Variants in ANXA4 observed in about 807,000 individuals in gnomAD.
The protein encoded by ANXA4 is 35-beta calcimedin.
In ANXA4, 39 loss-of-function variants were observed where a neutral mutation model predicts 49.8. The observed-to-expected ratio is 0.78, with a 90% CI of 0.61 to 1.02. The LOEUF (loss-of-function observed/expected upper bound fraction) is 1.02, where lower values mean the gene tolerates loss of function less well. Among genes scored for constraint, ANXA4 ranks in the 50% least tolerant of loss-of-function variants. The pLI, the probability that ANXA4 is intolerant of heterozygous loss-of-function variation, is 0.00. For synonymous variants in ANXA4, 134 were observed against 152.5 expected (o/e 0.88, Z 0.89); for missense variants, 360 against 410.1 (o/e 0.88, Z 1.05).
intron 1 of ANXA4, among the ~76,000 whole-genome samples, chr2:69,756,328 G>A (rs933930425): frequency 2.6e-5 from 4 of 152,188 alleles, no homozygotes; most frequent in African/African-American, 9.7e-5. Flanking sequence ...TAGTAGCAGG[G>A]GAAGATGAGT....
At chr2:69,792,308 C>T (rs1166724920) in intron 3 of ANXA4, among the ~76,000 whole-genome samples, 2 of 152,028 alleles carry the variant, frequency 1.3e-5, no homozygotes, top group Non-Finnish European at 2.9e-5. Context: ...ATGAAAATCC[C>T]GTGTTAAGAG....
In ANXA4 at chr2:69,669,232, A is replaced by G. The variant is rs561776568; in HGVS notation, n.766+15950A>G. Among the ~76,000 whole-genome samples, 19 of 151,690 alleles carry G rather than the reference A, an allele frequency of 1.3e-4. No homozygotes were observed. The East Asian group carries it at 2.0e-3, about 16-fold the overall frequency. On this transcript the variant is annotated intron_variant and non_coding_transcript_variant, in intron 2 of 3. Transcript: ENST00000418066. Reference sequence around the variant, plus strand: ...AGCACTGGGATTACAGGCCTAAGCCACTGCGCCTGGCCTTCTTTGAGCCCA... The same window carrying G: ...AGCACTGGGATTACAGGCCTAAGCCGCTGCGCCTGGCCTTCTTTGAGCCCA...
intron 1 of ANXA4, among the ~76,000 whole-genome samples, chr2:69,761,586 A>G (rs1268267313): frequency 6.6e-6 from 1 of 151,990 alleles, no homozygotes; most frequent in Non-Finnish European, 1.5e-5. Context: ...TGCTTCTGCT[A>G]CTCCACTCAA....
intron 3 of ANXA4, among the ~76,000 whole-genome samples, chr2:69,797,612 G>A (rs1056995593): frequency 6.6e-6 from 1 of 152,132 alleles, no homozygotes; most frequent in South Asian, 2.1e-4. Flanking sequence ...TGGTGGTTCC[G>A]GTTAACTTCC....
upstream of ANXA4, among the ~76,000 whole-genome samples, chr2:69,739,406 TG>T (rs1196219140): frequency 6.6e-6 from 1 of 151,348 alleles, no homozygotes; most frequent in Non-Finnish European, 1.5e-5. Flanking sequence ...TTTAAAAAAG[TG>T]GTTTTTTTAG....
intron 2 of ANXA4, among the ~76,000 whole-genome samples, chr2:69,697,419 C>T (rs370213133): frequency 2.0e-5 from 3 of 152,210 alleles, no homozygotes; most frequent in African/African-American, 7.2e-5. Flanking sequence ...CTGGTTTGAT[C>T]TTCTATCCAG....
intron 2 of ANXA4, among the ~76,000 whole-genome samples, chr2:69,669,098 G>A (rs546116234): frequency 1.7e-3 from 256 of 151,472 alleles, no homozygotes; most frequent in African/African-American, 6.1e-3. Context: ...CACCACGCCG[G>A]CTAATCTGGC....
chr2:69,714,605 G>C (rs1398352365), intron 2 of ANXA4, among the ~76,000 whole-genome samples: 1 of 152,158 alleles, frequency 6.6e-6, no homozygotes, highest in Non-Finnish European at 1.5e-5. Context: ...CTCCTGTGTT[G>C]TCCCCACAGC....
At chr2:69,673,381 T>C (rs1287650049) in intron 2 of ANXA4, among the ~76,000 whole-genome samples, 2 of 152,030 alleles carry the variant, frequency 1.3e-5, no homozygotes, top group Non-Finnish European at 2.9e-5. Flanking sequence ...TGGACCATCA[T>C]TCTCAGCAAA....
chr2:69,824,670 C>T (rs1489867518), intron 12 of ANXA4, among the ~76,000 whole-genome samples: 1 of 151,960 alleles, frequency 6.6e-6, no homozygotes, highest in Non-Finnish European at 1.5e-5. Context: ...ACGTAAATAT[C>T]CAACAATAGG....
chr2:69,806,446 T>C lies in ANXA4; in HGVS notation c.254T>C (p.Met85Thr), dbSNP rs1364757128. 1 of 1,614,144 alleles carries C rather than the reference T, an allele frequency of 6.2e-7. No individual in the cohort carries two copies. Among genetic ancestry groups the C allele is most frequent in the Non-Finnish European group, 8.5e-7 (1 of 1,180,014 alleles). Residue 85 changes from methionine to threonine, a missense_variant, in exon 5 of 13, where the codon ATG (methionine) becomes ACG (threonine). By Grantham distance (81) the Met-to-Thr change is moderately conservative (BLOSUM62 -1). Transcript: ENST00000394295. Reference protein sequence around the residue: ...SGNFEQVIVGMMTPTVLYDVQ... With the variant: ...SGNFEQVIVGTMTPTVLYDVQ... The stretch of plus-strand genomic sequence containing the variant: ...AACTTCGAGCAGGTGATTGTGGGGA[T>C]GATGACGCCCACGGTGCTGTATGAC...
intron 1 of ANXA4, among the ~76,000 whole-genome samples, chr2:69,765,975 C>T (rs1285876197): frequency 6.6e-6 from 1 of 152,200 alleles, no homozygotes; most frequent in East Asian, 1.9e-4. Context: ...CCGCTATGTG[C>T]AAGGCACTGC....
At chr2:69,820,572 C>A (rs1342641485) in intron 11 of ANXA4, 127 bp from the exon 12 acceptor site, 3 of 1,087,782 alleles carry the variant, frequency 2.8e-6, no homozygotes, top group African/African-American at 1.6e-5. Context: ...ATTCCTCAGG[C>A]CTGCCAAGTA....
chr2:69,789,711 A>C (rs1672593062), intron 3 of ANXA4, among the ~76,000 whole-genome samples: 1 of 152,182 alleles, frequency 6.6e-6, no homozygotes. Context: ...CCTAGGGTCC[A>C]GTGGTTTGGT....
intron 2 of ANXA4, among the ~76,000 whole-genome samples, chr2:69,654,711 A>C (rs1484801295): frequency 6.6e-6 from 1 of 152,170 alleles, no homozygotes; most frequent in African/African-American, 2.4e-5. Context: ...GGAATTTTGG[A>C]TAGCCAAGAC....
intron 7 of ANXA4, among the ~76,000 whole-genome samples, chr2:69,811,884 C>T (rs1351891105): frequency 6.6e-6 from 1 of 152,106 alleles, no homozygotes; most frequent in Non-Finnish European, 1.5e-5. Flanking sequence ...CCATATTTAC[C>T]ACTCTGATGA....
intron 2 of ANXA4, among the ~76,000 whole-genome samples, chr2:69,659,712 G>T (rs1425925817): frequency 6.6e-6 from 1 of 152,194 alleles, no homozygotes; most frequent in African/African-American, 2.4e-5. Context: ...CTTGAGGCCA[G>T]GAGCTTGAGA....
chr2:69,675,131 C>T (rs141652512), intron 2 of ANXA4, among the ~76,000 whole-genome samples: 222 of 152,176 alleles, frequency 1.5e-3, no homozygotes, highest in Middle Eastern at 6.8e-3. Context: ...ACTGTGTTAG[C>T]CAGGATGGTC....
chr2:69,821,773 C>T lies in ANXA4; in HGVS notation c.906+952C>T, dbSNP rs891802679. 2.8e-4 allele frequency among the ~76,000 whole-genome samples: 43 copies of T among 152,200 alleles called. 1 individual carries two copies. Among genetic ancestry groups the T allele is most frequent in the Middle Eastern group, 3.4e-3 (1 of 294 alleles). On this transcript the variant is annotated intron_variant, in intron 12 of 12. Coordinates refer to ENST00000394295, the MANE Select transcript of ANXA4 (RefSeq NM_001153.5). ...CACCAAGCTGTGGATTTTGTTACTA[C>T]GTCTACAAGGCATGCAGGAACTTGT...
Sources: gnomAD v4.1 joint callset for allele counts (sites outside exome capture counted in the v4.1 genomes callset) on GRCh38, gnomAD v4.1.1 for gene constraint, MANE v1.5 for transcripts, NCBI Gene and HGNC (gene_info 2026-07-23, HGNC 2026-07-21) for gene names.